OR7E24: variants seen among roughly 807,000 people sequenced by gnomAD.
The protein encoded by OR7E24 is olfactory receptor 7E24.
For missense variants in OR7E24, 385 were observed against 410.3 expected, an observed-to-expected ratio of 0.94 and a Z score of 0.53; for synonymous variants, 130 against 157.5, an observed-to-expected ratio of 0.83 and a Z score of 1.31.
At chr19:9,218,618 G>A in the OR7E24 span, among the ~76,000 whole-genome samples, 1 of 152,066 alleles carries the variant, frequency 6.6e-6, no homozygotes, top group East Asian at 1.9e-4. Context: ...TGATATTTTG[G>A]TGAACATGCA....
chr19:9,209,465 G>C, the OR7E24 span: 1 of 152,094 alleles, frequency 6.6e-6, no homozygotes, highest in East Asian at 1.9e-4. Flanking sequence ...TGTAATCCCA[G>C]CACTTTGGGA....
chr19:9,230,453 GAAC>G, the OR7E24 span, among the ~76,000 whole-genome samples: 1 of 152,136 alleles, frequency 6.6e-6, no homozygotes, highest in South Asian at 2.1e-4. Flanking sequence ...CTCTTTCCGG[GAAC>G]AGTTAGGAAT....
the OR7E24 span, among the ~76,000 whole-genome samples, chr19:9,222,994 G>A: frequency 1.5e-4 from 23 of 152,244 alleles, no homozygotes; most frequent in South Asian, 6.2e-4. Flanking sequence ...AACTCATTGA[G>A]TCTTTATCAT....
At chr19:9,222,596 T>A in the OR7E24 span, among the ~76,000 whole-genome samples, 2 of 152,184 alleles carry the variant, frequency 1.3e-5, no homozygotes, top group Non-Finnish European at 2.9e-5. Flanking sequence ...ATTTCTTTTT[T>A]GAGTAGTTTG....
chr19:9,222,553 G>A, the OR7E24 span, among the ~76,000 whole-genome samples: 1 of 151,854 alleles, frequency 6.6e-6, no homozygotes, highest in Admixed American at 6.6e-5. Context: ...TCTATTTTTG[G>A]GGGTACCAAT....
At chr19:9,250,877 T>C, upstream of OR7E24, 1 of 586,558 alleles carries the variant, frequency 1.7e-6, no homozygotes, top group Non-Finnish European at 3.0e-6. Flanking sequence ...GTTAAGTGTA[T>C]ACAGAAAGAG....
At chr19:9,209,641 A>C in the OR7E24 span, 1 of 146,438 alleles carries the variant, frequency 6.8e-6, no homozygotes, top group African/African-American at 2.7e-5. Flanking sequence ...CTTGAGTATA[A>C]AACAAAACAT....
chr19:9,207,248 A>G, the OR7E24 span: 1 of 152,252 alleles, frequency 6.6e-6, no homozygotes, highest in African/African-American at 2.4e-5. Flanking sequence ...ACATGGTAAC[A>G]ACATCCCTAA....
chr19:9,237,088 T>C, the OR7E24 span, among the ~76,000 whole-genome samples: 1 of 152,170 alleles, frequency 6.6e-6, no homozygotes, highest in Non-Finnish European at 1.5e-5. Flanking sequence ...GCTTTTCAAG[T>C]TGAAAGCTGG....
chr19:9,245,421 T>G (rs549080359), upstream of OR7E24, among the ~76,000 whole-genome samples: 56 of 151,934 alleles, frequency 3.7e-4, no homozygotes, highest in Non-Finnish European at 6.8e-4. Context: ...GGTGAAACTG[T>G]AGGGAAGGAG....
the OR7E24 span, among the ~76,000 whole-genome samples, chr19:9,218,806 T>A: frequency 1.3e-5 from 2 of 152,032 alleles, no homozygotes; most frequent in African/African-American, 4.8e-5. Context: ...CTTTTTTTGT[T>A]ATTGTTTAGT....
At chr19:9,246,560 T>C (rs2066131290), upstream of OR7E24, among the ~76,000 whole-genome samples, 1 of 151,590 alleles carries the variant, frequency 6.6e-6, no homozygotes, top group Non-Finnish European at 1.5e-5. Context: ...ACCATGTTTA[T>C]AGCAGCGTTA....
At chr19:9,233,051 GCTCT>G in the OR7E24 span, among the ~76,000 whole-genome samples, 3 of 152,160 alleles carry the variant, frequency 2.0e-5, no homozygotes, top group Admixed American at 6.5e-5. Flanking sequence ...CAATTACTAA[GCTCT>G]CTGAGTCACG....
chr19:9,239,289 C>T, the OR7E24 span, among the ~76,000 whole-genome samples: 5 of 152,070 alleles, frequency 3.3e-5, no homozygotes, highest in Non-Finnish European at 7.4e-5. Context: ...CCTTCCTCAG[C>T]CTCCCGAGTA....
chr19:9,211,047 T>C, the OR7E24 span: 7,401 of 152,364 alleles, frequency 0.049, 621 homozygotes, highest in African/African-American at 0.17. Flanking sequence ...GAGGGAAATC[T>C]CCATGGTCTT....
chr19:9,235,096 T>C, the OR7E24 span: 2 of 676,008 alleles, frequency 3.0e-6, no homozygotes, highest in African/African-American at 1.8e-5. Flanking sequence ...TATTGAAGAG[T>C]GATTGAATGT....
the OR7E24 span, chr19:9,207,911 G>C: frequency 2.0e-5 from 3 of 152,102 alleles, no homozygotes; most frequent in East Asian, 5.8e-4. Flanking sequence ...GCTGCCTTCA[G>C]TTACTGTCTC....
the OR7E24 span, chr19:9,206,585 C>G: frequency 6.6e-6 from 1 of 152,034 alleles, no homozygotes; most frequent in African/African-American, 2.4e-5. Flanking sequence ...AAACTGCAAC[C>G]TTAAGGAAAT....
the OR7E24 span, among the ~76,000 whole-genome samples, chr19:9,222,063 A>T: frequency 3.7e-4 from 56 of 152,224 alleles, no homozygotes; most frequent in African/African-American, 1.1e-3. Context: ...AACACCATTT[A>T]TTAAAGAGAC....
Sources: gnomAD v4.1 joint callset for allele counts (sites outside exome capture counted in the v4.1 genomes callset) on GRCh38, gnomAD v4.1.1 for gene constraint, MANE v1.5 for transcripts, NCBI Gene and HGNC (gene_info 2026-07-23, HGNC 2026-07-21) for gene names.